MYO18A: variants seen among roughly 807,000 people sequenced by gnomAD.
MYO18A encodes the protein unconventional myosin-XVIIIa.
A neutral mutation model predicts 235.8 loss-of-function variants in MYO18A; 78 were observed. That is an observed-to-expected ratio of 0.33 (90% confidence interval 0.28 to 0.40). MYO18A has a LOEUF of 0.40. Among genes scored for constraint, MYO18A ranks in the 10% least tolerant of loss-of-function variants. The pLI is 1.00. For missense variants in MYO18A, 2,215 were observed against 2,699.3 expected (o/e 0.82, Z 3.98); for synonymous variants, 977 against 1,077.8 (o/e 0.91, Z 1.83).
At chr17:29,085,679 GGTC>G (rs1476920726) in intron 39 of MYO18A, 31 bp from the exon 40 acceptor site, 1 of 1,612,794 alleles carries the variant, frequency 6.2e-7, no homozygotes, top group Admixed American at 1.7e-5. Flanking sequence ...GTGGGCAAGG[GGTC>G]CAGAGGAAAC....
At chr17:29,116,600 A>T (rs932882537) in intron 10 of MYO18A, 145 bp from the exon 11 acceptor site, 2 of 554,664 alleles carry the variant, frequency 3.6e-6, no homozygotes, top group Admixed American at 5.7e-5. Flanking sequence ...CCACAGTCAG[A>T]CTTGGGACAA....
At position 29,130,299 on chromosome 17, in the gene MYO18A, C is replaced by CAAAA. The variant is rs564370108; in HGVS notation, c.1000-8050_1000-8047dup. Among the ~76,000 whole-genome samples, 292 of 55,852 alleles carry CAAAA rather than the reference C, an allele frequency of 5.2e-3. 1 individual carries two copies. Among genetic ancestry groups the CAAAA allele is most frequent in the Non-Finnish European group, 7.0e-3 (231 of 33,128 alleles). The allele number at this position is 55,852 out of a possible 152,430, so 36.6% of individuals were successfully genotyped here. ...TGGGTGACAGAGTAAAACCCTGTCT[C>CAAAA]AAAAAAAAAAAAAAAAAAAAAAAAG... On this transcript the variant is annotated intron_variant, in intron 2 of 41. Coordinates refer to ENST00000527372, the MANE Select transcript of MYO18A (RefSeq NM_078471.4).
At chr17:29,165,520 A>G (rs1201779374) in intron 2 of MYO18A, 1 of 168,688 alleles carries the variant, frequency 5.9e-6, no homozygotes, top group Admixed American at 5.8e-5. Flanking sequence ...TGAGAAAGGC[A>G]TTCCGCTGAA....
intron 19 of MYO18A, among the ~76,000 whole-genome samples, chr17:29,108,819 G>A (rs891213216): frequency 2.0e-5 from 3 of 151,946 alleles, no homozygotes; most frequent in East Asian, 3.9e-4. Flanking sequence ...GCTATAGTGC[G>A]GTGGCTGGGG....
At chr17:29,083,202 C>T (rs1023473968) in intron 40 of MYO18A, among the ~76,000 whole-genome samples, 2 of 152,296 alleles carry the variant, frequency 1.3e-5, no homozygotes, top group East Asian at 3.9e-4. Flanking sequence ...TCAAGGTCTC[C>T]TCTTCCGTCC....
chr17:29,094,887 C>A (rs1329073077), intron 29 of MYO18A, 37 bp from the exon 30 acceptor site: 1 of 1,613,836 alleles, frequency 6.2e-7, no homozygotes, highest in Non-Finnish European at 8.5e-7. Flanking sequence ...CAGGGCTGAC[C>A]CCAGGTTGTG....
rs376720514 is a variant in MYO18A at position 29,110,558 on chromosome 17, C to T, written c.2965G>A (p.Ala989Thr). The T allele has an allele frequency of 3.1e-6, 5 of 1,612,434 alleles. No individual in the cohort carries two copies. Among genetic ancestry groups the T allele is most frequent in the Non-Finnish European group, 2.5e-6 (3 of 1,179,392 alleles). ...AGCTGCGAGCCGCCCTCCAGGCCCG[C>T]GATGGAGCCAGAGAGCACCGTGGCA... is the stretch of plus-strand genomic sequence containing the variant. ...GSATVLSGSI[A>T]GLEGGSQLAL... The change falls in exon 18 of 42, where the codon GCG becomes ACG. Residue 989 changes from alanine (A) to threonine (T), a missense_variant. Ala to Thr is a moderately conservative substitution (Grantham distance 58). Coordinates refer to ENST00000527372, the MANE Select transcript of MYO18A (RefSeq NM_078471.4).
At position 29,098,137 on chromosome 17, in the gene MYO18A, G is replaced by T; in HGVS notation, c.3958C>A (p.Leu1320Ile). The change falls in exon 25 of 42, where the codon CTC (leucine) becomes ATC (isoleucine). Residue 1320 changes from leucine (L) to isoleucine (I), a missense_variant. Transcript: ENST00000527372. Reference sequence around the variant, plus strand: ...TCCTTCATCTCCTTCTCAGCCCGGAGCCTCTCTGCTGTCTCCGCGTCCAGC... The same window carrying T: ...TCCTTCATCTCCTTCTCAGCCCGGATCCTCTCTGCTGTCTCCGCGTCCAGC... Reference protein sequence around the residue: ...QLLDAETAERLRAEKEMKELQ... With the variant: ...QLLDAETAERIRAEKEMKELQ... 4 of 1,613,778 alleles carry T rather than the reference G, an allele frequency of 2.5e-6. No individual in the cohort carries two copies. Among genetic ancestry groups the T allele is most frequent in the Non-Finnish European group, 3.4e-6 (4 of 1,179,880 alleles).
Position 29,099,703 on chromosome 17 carries a change from G to C in MYO18A, c.3567C>G (p.Ser1189Arg), listed in dbSNP as rs201677359. 1.9e-6 allele frequency: 3 copies of C among 1,613,694 alleles called. No individual in the cohort carries two copies. The Admixed American group carries it at 5.0e-5, about 27-fold the overall frequency. The change falls in exon 22 of 42, where the codon AGC (serine) becomes AGG (arginine). Residue 1189 changes from serine (S) to arginine (R), a missense_variant. Ser to Arg is a moderately radical substitution (Grantham distance 110, BLOSUM62 -1). Transcript: ENST00000527372. ...RLEEQRDEQTSRNLTLFQAAC... is the reference protein window; with the variant it reads ...RLEEQRDEQTRRNLTLFQAAC... ...CTGCTTGGAACAGGGTTAGGTTCCT[G>C]CTGGTTTGTTCATCCCGCTGCTCCT...
chr17:29,073,844 A>AC lies in MYO18A; in HGVS notation c.*925dup. ...ACTTCCATCTTCAGTTTTTCTGATCACAAGTCCTCAACCCCAAGCCTTCCC... is the reference window on the plus strand; with the variant it reads ...ACTTCCATCTTCAGTTTTTCTGATCACCAAGTCCTCAACCCCAAGCCTTCCC... On this transcript the variant is annotated 3_prime_UTR_variant, in exon 42 of 42. Coordinates refer to ENST00000527372, the MANE Select transcript of MYO18A (RefSeq NM_078471.4). The AC allele has an allele frequency of 6.3e-7, 1 of 1,576,592 alleles. No individual in the cohort carries two copies. The highest frequency in any genetic ancestry group is 1.3e-5 in the African/African-American group (1 of 74,294).
intron 2 of MYO18A, chr17:29,129,189 C>T: frequency 4.5e-6 from 5 of 1,109,084 alleles, no homozygotes; most frequent in Non-Finnish European, 6.1e-6. Flanking sequence ...CACAGCGTCC[C>T]TCGTCTGCGG....
At chr17:29,157,475 G>A (rs998178357) in intron 2 of MYO18A, among the ~76,000 whole-genome samples, 9 of 152,186 alleles carry the variant, frequency 5.9e-5, no homozygotes, top group African/African-American at 1.2e-4. Flanking sequence ...ATGGATATCC[G>A]GATACTGCCT....
rs2067301361 is a variant in MYO18A, at chr17:29,125,562, A to G, written c.1000-3309T>C. Among the ~76,000 whole-genome samples, 1 of 152,208 alleles carries G rather than the reference A, an allele frequency of 6.6e-6. No homozygotes were observed. Among genetic ancestry groups the G allele is most frequent in the African/African-American group, 2.4e-5 (1 of 41,440 alleles). ...CTGGGTCTAGAGAGCCAGGTCACCA[A>G]AAATAGCGACAGCAACCTTCCTTAC... On this transcript the variant is annotated intron_variant, in intron 2 of 41. Transcript: ENST00000527372. The surrounding 1 kb of genome is among the most constrained non-coding windows in gnomAD (Gnocchi z 5.1).
chr17:29,086,128 C>A (rs1022842717), intron 39 of MYO18A, among the ~76,000 whole-genome samples: 1 of 152,258 alleles, frequency 6.6e-6, no homozygotes, highest in Non-Finnish European at 1.5e-5. Context: ...TCTCTGCTCT[C>A]CCCAGAGTGG....
In MYO18A at chr17:29,128,198, G is replaced by T. The variant is rs575242629; in HGVS notation, c.1000-5945C>A. On this transcript the variant is annotated intron_variant, in intron 2 of 41. Coordinates refer to ENST00000527372, the MANE Select transcript of MYO18A (RefSeq NM_078471.4). Reference sequence around the variant, plus strand: ...AGGCTTAGGCGGAGCAGGGGGAGGTGGGGGAGGGGGTGGCGGCTTGGGACT... The same window carrying T: ...AGGCTTAGGCGGAGCAGGGGGAGGTTGGGGAGGGGGTGGCGGCTTGGGACT... 4.2e-5 allele frequency: 48 copies of T among 1,154,284 alleles called. No individual in the cohort carries two copies. In the South Asian group the frequency reaches 7.0e-4, roughly 17 times the overall value. The allele number at this position is 1,154,284 out of a possible 1,614,324, so 71.5% of individuals were successfully genotyped here.
chr17:29,103,522 G>T, intron 21 of MYO18A, 77 bp downstream of exon 21: 1 of 1,407,858 alleles, frequency 7.1e-7, no homozygotes, highest in Non-Finnish European at 1.0e-6. Flanking sequence ...TGAGCAAAGA[G>T]AACAGGAGGA....
At chr17:29,075,044 AC>A in intron 41 of MYO18A, 130 bp from the exon 42 acceptor site, 4 of 1,097,240 alleles carry the variant, frequency 3.6e-6, no homozygotes, top group Non-Finnish European at 5.2e-6. Context: ...TTAAGTAAAA[AC>A]CTTCCTTGGC....
intron 30 of MYO18A, 36 bp from the exon 31 acceptor site, chr17:29,094,126 C>A: frequency 6.7e-7 from 1 of 1,485,268 alleles, no homozygotes; most frequent in East Asian, 2.4e-5. Flanking sequence ...GGTTCCCTCC[C>A]CAGCTGTGGC....
At chr17:29,123,992 G>A (rs984075366) in intron 2 of MYO18A, among the ~76,000 whole-genome samples, 4 of 151,642 alleles carry the variant, frequency 2.6e-5, no homozygotes, top group African/African-American at 9.7e-5. Context: ...AGCTTGCAGT[G>A]AGCCGAGATT....
Sources: gnomAD v4.1 joint callset for allele counts (sites outside exome capture counted in the v4.1 genomes callset) on GRCh38, gnomAD v4.1.1 for gene constraint, Gnocchi (gnomAD v3.1) non-coding constraint, MANE v1.5 for transcripts, NCBI Gene and HGNC (gene_info 2026-07-23, HGNC 2026-07-21) for gene names.